The following PARD3B variants were observed in gnomAD, a reference collection of about 807,000 sequenced individuals.
The protein encoded by PARD3B is partitioning defective 3 homolog B.
A neutral mutation model predicts 130.2 loss-of-function variants in PARD3B; 103 were observed. The ratio of observed to expected loss-of-function variants is 0.79; its 90% CI spans 0.67 to 0.93. The LOEUF is 0.93. Among genes scored for constraint, PARD3B ranks in the 40% least tolerant of loss-of-function variants. The probability of loss-of-function intolerance (pLI) is 0.00; values close to 1 mark genes in which losing one functional copy is unlikely to be tolerated. For synonymous variants in PARD3B, 583 were observed against 553.2 expected, an observed-to-expected ratio of 1.05 and a Z score of -0.76; for missense variants, 1,609 against 1,499.2, an observed-to-expected ratio of 1.07 and a Z score of -1.21.
chr2:205,125,586 G>A lies in PARD3B; in HGVS notation c.1306-23G>A. ...GATAACAAGTATTGTGATTGTGGCTGTTCATATGCTTTTATTCATTAGGTA... is the reference window on the plus strand; with the variant it reads ...GATAACAAGTATTGTGATTGTGGCTATTCATATGCTTTTATTCATTAGGTA... On this transcript the variant is annotated intron_variant, in intron 9 of 22. Transcript: ENST00000406610. This position sits in a 1 kb window ranked among gnomAD's most constrained non-coding sequence, Gnocchi z 4.0. The A allele has an allele frequency of 6.2e-7, 1 of 1,612,378 alleles. No individual in the cohort carries two copies.
At chr2:205,443,876 A>G (rs2106170983) in intron 20 of PARD3B, among the ~76,000 whole-genome samples, 1 of 152,338 alleles carries the variant, frequency 6.6e-6, no homozygotes, top group South Asian at 2.1e-4. Flanking sequence ...GGCAAGGCAC[A>G]GTATAATCCC....
chr2:205,299,066 A>C (rs917076247), intron 16 of PARD3B, among the ~76,000 whole-genome samples: 4 of 152,204 alleles, frequency 2.6e-5, no homozygotes, highest in African/African-American at 9.6e-5. Context: ...ACACAGACTA[A>C]GCACTCCATG....
intron 4 of PARD3B, among the ~76,000 whole-genome samples, chr2:205,089,230 G>T (rs927230278): frequency 2.6e-5 from 4 of 151,156 alleles, no homozygotes; most frequent in Admixed American, 1.3e-4. Context: ...GAGTGCGATG[G>T]CATGATCTTG....
intron 1 of PARD3B, among the ~76,000 whole-genome samples, chr2:204,597,611 A>C (rs1010225842): frequency 6.6e-6 from 1 of 152,160 alleles, no homozygotes; most frequent in African/African-American, 2.4e-5. Context: ...TTTTACTCTT[A>C]AGTAAATGCT....
intron 4 of PARD3B, among the ~76,000 whole-genome samples, chr2:205,050,403 T>C (rs1373341744): frequency 1.3e-5 from 2 of 151,736 alleles, no homozygotes; most frequent in Admixed American, 6.6e-5. Context: ...GGTGTGTGTG[T>C]GTATATATGT....
intron 15 of PARD3B, among the ~76,000 whole-genome samples, chr2:205,219,281 C>A (rs990697112): frequency 4.6e-5 from 7 of 152,126 alleles, no homozygotes; most frequent in Non-Finnish European, 8.8e-5. Flanking sequence ...TAAGTGAGCT[C>A]ATCTAATAGA....
chr2:205,471,748 C>T (rs2048843881), intron 20 of PARD3B, among the ~76,000 whole-genome samples: 1 of 152,194 alleles, frequency 6.6e-6, no homozygotes, highest in South Asian at 2.1e-4. Flanking sequence ...AGAACTGTAA[C>T]TTTCAAAGTA....
At chr2:204,873,252 T>C (rs1420748493) in intron 2 of PARD3B, among the ~76,000 whole-genome samples, 1 of 152,190 alleles carries the variant, frequency 6.6e-6, no homozygotes, top group Non-Finnish European at 1.5e-5. Flanking sequence ...TGACTAGGCT[T>C]CATTCTCAGT....
chr2:204,901,314 G>A (rs1228661376), intron 2 of PARD3B, among the ~76,000 whole-genome samples: 3 of 152,114 alleles, frequency 2.0e-5, no homozygotes, highest in Non-Finnish European at 4.4e-5. Context: ...GAAGCCACAA[G>A]ACAAAGTCCT....
intron 1 of PARD3B, among the ~76,000 whole-genome samples, chr2:204,676,244 G>A (rs1043452224): frequency 1.3e-5 from 2 of 151,612 alleles, no homozygotes; most frequent in South Asian, 2.1e-4. Context: ...CCTACCAAGA[G>A]TATTTCTTTT....
intron 20 of PARD3B, among the ~76,000 whole-genome samples, chr2:205,489,505 A>ATACGTATATATACACATATG (rs2049590208): frequency 6.9e-6 from 1 of 145,406 alleles, no homozygotes; most frequent in Admixed American, 7.0e-5. Context: ...GTGTATATAT[A>ATACGTATATATACACATATG]TATACGTATA....
At position 204,788,506 on chromosome 2, in the gene PARD3B, TTTC is replaced by T. The variant is rs559927160; in HGVS notation, c.222+102227_222+102229del. ...TAAGCCACCCAGGTGCAGATGATCT[TTTC>T]TTATGTTTTATCAAATATTTTAGTT... is the stretch of plus-strand genomic sequence containing the variant. On this transcript the variant is annotated intron_variant, in intron 2 of 22. Coordinates refer to ENST00000406610, the MANE Select transcript of PARD3B (RefSeq NM_001302769.2). Among the ~76,000 whole-genome samples, 12 of 152,368 alleles carry T rather than the reference TTTC, an allele frequency of 7.9e-5. No individual in the cohort carries two copies. In the South Asian group the frequency reaches 2.3e-3, roughly 29 times the overall value.
intron 22 of PARD3B, among the ~76,000 whole-genome samples, chr2:205,612,904 G>A (rs946999518): frequency 6.6e-6 from 1 of 152,174 alleles, no homozygotes; most frequent in Admixed American, 6.5e-5. Context: ...TGCCTGGGAG[G>A]AGCAAGGTGT....
chr2:204,603,744 A>C (rs1471740942), intron 1 of PARD3B, among the ~76,000 whole-genome samples: 1 of 152,168 alleles, frequency 6.6e-6, no homozygotes, highest in East Asian at 1.9e-4. Context: ...AGAATATGAA[A>C]CTAGGCTTGT....
chr2:205,090,167 G>C (rs754047010), intron 4 of PARD3B, among the ~76,000 whole-genome samples: 1 of 152,210 alleles, frequency 6.6e-6, no homozygotes, highest in Non-Finnish European at 1.5e-5. Context: ...TTCATTAAAA[G>C]TGTGAGGTTG....
At chr2:204,712,632 A>G (rs1486691166) in intron 2 of PARD3B, among the ~76,000 whole-genome samples, 1 of 151,570 alleles carries the variant, frequency 6.6e-6, no homozygotes, top group Non-Finnish European at 1.5e-5. Flanking sequence ...AAAAACAAAA[A>G]AAAAAGTGAA....
chr2:204,847,439 G>C (rs1026461140), intron 2 of PARD3B, among the ~76,000 whole-genome samples: 1 of 152,180 alleles, frequency 6.6e-6, no homozygotes, highest in African/African-American at 2.4e-5. Flanking sequence ...AGTAAATACA[G>C]TTGTCCCCCT....
At chr2:205,408,838 T>A (rs1392333759) in intron 19 of PARD3B, among the ~76,000 whole-genome samples, 1 of 152,148 alleles carries the variant, frequency 6.6e-6, no homozygotes, top group Non-Finnish European at 1.5e-5. Context: ...TTCTAGGTCC[T>A]GTGGTTTGGG....
At chr2:205,054,008 C>T (rs1161340785) in intron 4 of PARD3B, among the ~76,000 whole-genome samples, 3 of 152,058 alleles carry the variant, frequency 2.0e-5, no homozygotes, top group Non-Finnish European at 4.4e-5. Context: ...CACATTGCAA[C>T]GATGGCTTTC....
Sources: gnomAD v4.1 joint callset for allele counts (sites outside exome capture counted in the v4.1 genomes callset) on GRCh38, gnomAD v4.1.1 for gene constraint, Gnocchi (gnomAD v3.1) non-coding constraint, MANE v1.5 for transcripts, NCBI Gene and HGNC (gene_info 2026-07-23, HGNC 2026-07-21) for gene names.